The following BAIAP2L1 variants were observed in gnomAD, a reference collection of about 807,000 sequenced individuals.
BAIAP2L1 encodes BAR/IMD domain-containing adapter protein 2-like 1.
A neutral mutation model predicts 66.3 loss-of-function variants in BAIAP2L1; 35 were observed. That is an observed-to-expected ratio of 0.53 (90% CI 0.40 to 0.70). BAIAP2L1 has a LOEUF of 0.70. Ranked by LOEUF, BAIAP2L1 falls within the 30% of genes least tolerant of loss-of-function variation. BAIAP2L1 has a pLI of 0.00. For synonymous variants in BAIAP2L1, 269 were observed against 248.7 expected, an observed-to-expected ratio of 1.08 and a Z score of -0.77; for missense variants, 622 against 656.9, an observed-to-expected ratio of 0.95 and a Z score of 0.58.
At chr7:98,363,082 T>C (rs1802311715) in intron 1 of BAIAP2L1, among the ~76,000 whole-genome samples, 1 of 142,388 alleles carries the variant, frequency 7.0e-6, no homozygotes, top group South Asian at 2.3e-4. Context: ...TCATCCAGGC[T>C]GGAGTACAGT....
intron 5 of BAIAP2L1, among the ~76,000 whole-genome samples, chr7:98,318,526 G>A (rs957072397): frequency 6.6e-5 from 10 of 151,414 alleles, no homozygotes; most frequent in African/African-American, 1.7e-4. Context: ...GGATCCACCC[G>A]CCTTGGCCTC....
rs1388710542 is a variant in BAIAP2L1 at position 98,294,239 on chromosome 7, C to T, written c.1423-128G>A. On this transcript the variant is annotated intron_variant, in intron 12 of 13. Transcript: ENST00000005260. ...AACTCCTGAGCTCACGTGATCCTTCCACCTTGGCCTCCTAATGTGCTGGGA... is the reference window on the plus strand; with the variant it reads ...AACTCCTGAGCTCACGTGATCCTTCTACCTTGGCCTCCTAATGTGCTGGGA... 6.5e-6 allele frequency: 6 copies of T among 917,352 alleles called. 1 individual carries two copies. In the East Asian group the frequency reaches 8.1e-5, roughly 12 times the overall value. 56.8% of individuals were successfully genotyped at this position (917,352 alleles called of 1,614,324 possible).
intron 3 of BAIAP2L1, among the ~76,000 whole-genome samples, chr7:98,348,936 G>A (rs1801937243): frequency 6.6e-6 from 1 of 152,248 alleles, no homozygotes; most frequent in African/African-American, 2.4e-5. Flanking sequence ...CAGTCTCAGG[G>A]GAAAGTGAGA....
chr7:98,312,092 C>T lies in BAIAP2L1; in HGVS notation c.807+5G>A. ...TGAAATCTGGAAGAGAAAACTGGCTCCTACCACATTGCTTCTCTCGATCAT... is the reference window on the plus strand; with the variant it reads ...TGAAATCTGGAAGAGAAAACTGGCTTCTACCACATTGCTTCTCTCGATCAT... On this transcript the variant is annotated splice_donor_5th_base_variant and intron_variant, in intron 8 of 13. Coordinates refer to ENST00000005260, the MANE Select transcript of BAIAP2L1 (RefSeq NM_018842.5). 1 of 1,588,344 alleles carries T rather than the reference C, an allele frequency of 6.3e-7. No homozygotes were observed. The highest frequency in any genetic ancestry group is 8.6e-7 in the Non-Finnish European group (1 of 1,169,522).
At chr7:98,293,629 C>T (rs748601445) in intron 13 of BAIAP2L1, 33 bp from the exon 14 acceptor site, 1 of 1,594,548 alleles carries the variant, frequency 6.3e-7, no homozygotes, top group South Asian at 1.1e-5. Flanking sequence ...TTCAGAACTT[C>T]TGCTCTACGA....
intron 10 of BAIAP2L1, 145 bp downstream of exon 10, chr7:98,307,544 A>T (rs1049504093): frequency 6.8e-7 from 1 of 1,461,362 alleles, no homozygotes; most frequent in East Asian, 2.5e-5. Flanking sequence ...GGATCGAATA[A>T]CTTCAGTTAA....
chr7:98,365,013 A>T (rs1266705569), intron 1 of BAIAP2L1, among the ~76,000 whole-genome samples: 2 of 149,052 alleles, frequency 1.3e-5, no homozygotes, highest in East Asian at 3.9e-4. Context: ...AAAAAAAAAA[A>T]AAAAAAGAGC....
At position 98,391,668 on chromosome 7, in the gene BAIAP2L1, C is replaced by T. The variant is rs149203360; in HGVS notation, c.51+9134G>A. 3.5e-3 allele frequency among the ~76,000 whole-genome samples: 521 copies of T among 148,454 alleles called. 7 individuals carry two copies. The highest frequency in any genetic ancestry group is 0.013 in the African/African-American group (503 of 40,202). On this transcript the variant is annotated intron_variant, in intron 1 of 13. Coordinates refer to ENST00000005260, the MANE Select transcript of BAIAP2L1 (RefSeq NM_018842.5). ...TGGACGTTGTGAGCCGAGATCGTGC[C>T]ACTGCACTCCAGCCTGGGCGACAGA...
At chr7:98,386,825 G>A (rs188243951) in intron 1 of BAIAP2L1, among the ~76,000 whole-genome samples, 1,510 of 147,148 alleles carry the variant, frequency 0.01, 27 homozygotes, top group African/African-American at 0.036. Flanking sequence ...TCAGCCTCCC[G>A]AGTAGCTGGG....
At chr7:98,369,745 C>T (rs1802467587) in intron 1 of BAIAP2L1, among the ~76,000 whole-genome samples, 1 of 146,346 alleles carries the variant, frequency 6.8e-6, no homozygotes, top group Non-Finnish European at 1.5e-5. Flanking sequence ...CATCTCGGCT[C>T]ACTGCAACCT....
At chr7:98,294,909 G>A (rs1283883520) in intron 12 of BAIAP2L1, among the ~76,000 whole-genome samples, 1 of 152,188 alleles carries the variant, frequency 6.6e-6, no homozygotes, top group Non-Finnish European at 1.5e-5. Flanking sequence ...GGCCAGGTGT[G>A]TGCGCGCCTT....
At position 98,400,939 on chromosome 7, in the gene BAIAP2L1, C is replaced by T. The variant is rs1375039526; in HGVS notation, c.-87G>A. On this transcript the variant is annotated 5_prime_UTR_variant, in exon 1 of 14. Transcript: ENST00000005260. ...TCCGGGCAGCGGGAGGGCCGGGGCG[C>T]GACTAAGGGGCTCTGGAGGGTCGGC... 7.6e-7 allele frequency: 1 copy of T among 1,322,348 alleles called. No homozygotes were observed. 81.9% of individuals were successfully genotyped at this position (1,322,348 alleles called of 1,614,324 possible). A position where few individuals can be genotyped will look rare whatever the true frequency, so the allele number is the denominator to read the frequency against.
intron 1 of BAIAP2L1, among the ~76,000 whole-genome samples, chr7:98,387,471 T>C (rs1300579176): frequency 6.6e-6 from 1 of 152,182 alleles, no homozygotes; most frequent in Non-Finnish European, 1.5e-5. Context: ...TTGGTGATGA[T>C]TTCAGTCACC....
intron 12 of BAIAP2L1, among the ~76,000 whole-genome samples, chr7:98,295,554 G>A: frequency 6.6e-6 from 1 of 152,124 alleles, no homozygotes; most frequent in Non-Finnish European, 1.5e-5. Flanking sequence ...ATGTGCTCAC[G>A]GTGCTGGCAT....
In BAIAP2L1 at chr7:98,380,551, C is replaced by T. The variant is rs534344194; in HGVS notation, c.52-18119G>A. Among the ~76,000 whole-genome samples, 4 of 151,930 alleles carry T rather than the reference C, an allele frequency of 2.6e-5. No individual in the cohort carries two copies. In the East Asian group the frequency reaches 7.8e-4, roughly 30 times the overall value. Reference sequence around the variant, plus strand: ...CCGCCCCCATGACTCAAATTATCTCCCACCAGGTTCCTCCCACAACACATG... The same window carrying T: ...CCGCCCCCATGACTCAAATTATCTCTCACCAGGTTCCTCCCACAACACATG... On this transcript the variant is annotated intron_variant, in intron 1 of 13. Transcript: ENST00000005260.
At chr7:98,322,899 G>C (rs973415213) in intron 3 of BAIAP2L1, 1 of 152,280 alleles carries the variant, frequency 6.6e-6, no homozygotes, top group Non-Finnish European at 1.5e-5. Context: ...GTACTTCAGA[G>C]CCCTCTGCAA....
chr7:98,350,114 G>A (rs1250758460), intron 3 of BAIAP2L1, among the ~76,000 whole-genome samples: 3 of 150,474 alleles, frequency 2.0e-5, no homozygotes, highest in African/African-American at 7.4e-5. Context: ...TCAAAAAGGG[G>A]GGAAAAAAAA....
intron 3 of BAIAP2L1, among the ~76,000 whole-genome samples, chr7:98,336,812 G>A (rs1183634087): frequency 6.6e-6 from 1 of 152,096 alleles, no homozygotes; most frequent in African/African-American, 2.4e-5. Flanking sequence ...TGGAGAGACT[G>A]GAAAGGCCTA....
chr7:98,392,549 A>G (rs1348983404), intron 1 of BAIAP2L1, among the ~76,000 whole-genome samples: 1 of 152,110 alleles, frequency 6.6e-6, no homozygotes, highest in African/African-American at 2.4e-5. Flanking sequence ...CTGCTTACAG[A>G]TCTGTGCAAA....
Sources: allele counts gnomAD v4.1 joint callset (sites outside exome capture counted in the v4.1 genomes callset), GRCh38; gene constraint gnomAD v4.1.1; transcripts MANE v1.5; gene names NCBI Gene and HGNC (gene_info 2026-07-23, HGNC 2026-07-21).